The following DACH2 variants were observed in gnomAD, a reference collection of about 807,000 sequenced individuals.
The protein encoded by DACH2 is dachshund family transcription factor 2, also known as dachshund homolog 2.
DACH2 carries 17 observed loss-of-function variants against 35.8 expected under a neutral mutation model. That is an observed-to-expected ratio of 0.48 (90% confidence interval 0.33 to 0.71). The LOEUF (loss-of-function observed/expected upper bound fraction) is 0.71, where lower values mean the gene tolerates loss of function less well. DACH2 is among the 30% of genes least tolerant of loss of function. The pLI, the probability that DACH2 is intolerant of heterozygous loss-of-function variation, is 0.02. For synonymous variants in DACH2, 195 were observed against 177.3 expected (o/e 1.10, Z -0.79); for missense variants, 469 against 472.7 (o/e 0.99, Z 0.07).
intron 2 of DACH2, among the ~76,000 whole-genome samples, chrX:86,460,284 A>G (rs1022492087): frequency 5.4e-5 from 6 of 111,230 alleles, no homozygotes; most frequent in South Asian, 3.7e-4. Context: ...TCTTTTATCT[A>G]TATAAGAATA....
chrX:86,566,150 G>A (rs1001473950), intron 3 of DACH2, among the ~76,000 whole-genome samples: 4 of 111,869 alleles, frequency 3.6e-5, no homozygotes, highest in African/African-American at 1.3e-4. Context: ...TAAGTAATAT[G>A]TAGATAAATT....
At chrX:86,561,933 A>G (rs1466559870) in intron 3 of DACH2, among the ~76,000 whole-genome samples, 1 of 102,396 alleles carries the variant, frequency 9.8e-6, no homozygotes, top group Non-Finnish European at 2.0e-5. Context: ...GAATTCAGCA[A>G]GGATTCAGGA....
chrX:86,438,244 A>G (rs187669507), intron 2 of DACH2, among the ~76,000 whole-genome samples: 130 of 86,366 alleles, frequency 1.5e-3, no homozygotes, highest in African/African-American at 6.0e-3. Flanking sequence ...TTTTTTTGAG[A>G]CAGAGTTTCA....
intron 4 of DACH2, among the ~76,000 whole-genome samples, chrX:86,656,857 G>GTGTGTGTATATA (rs1333268452): frequency 9.0e-5 from 6 of 66,743 alleles, no homozygotes; most frequent in African/African-American, 3.6e-4. Flanking sequence ...GTGTGTGTGT[G>GTGTGTGTATATA]TATATATATA....
chrX:86,823,740 G>A (rs1253361580), intron 11 of DACH2, among the ~76,000 whole-genome samples: 8 of 111,448 alleles, frequency 7.2e-5, no homozygotes, highest in African/African-American at 1.3e-4. Context: ...CTGGGCCACC[G>A]GGGGTGACAT....
chrX:86,266,531 T>C (rs924637344), intron 1 of DACH2, among the ~76,000 whole-genome samples: 4 of 112,007 alleles, frequency 3.6e-5, no homozygotes, highest in Non-Finnish European at 5.6e-5. Context: ...GTTTTGTCTA[T>C]TCCGTGTCTT....
At chrX:86,557,040 T>A (rs899742231) in intron 3 of DACH2, among the ~76,000 whole-genome samples, 11 of 106,861 alleles carry the variant, frequency 1.0e-4, no homozygotes, top group African/African-American at 3.4e-4. Context: ...AGTCCAGGAG[T>A]CTGAAGGCCT....
At chrX:86,507,524 C>A (rs1240046366) in intron 2 of DACH2, among the ~76,000 whole-genome samples, 1 of 107,368 alleles carries the variant, frequency 9.3e-6, no homozygotes, top group Non-Finnish European at 1.9e-5. Context: ...GAAGCCTTCC[C>A]AAGGCAGTGG....
chrX:86,643,303 A>T (rs2040371101), intron 3 of DACH2, among the ~76,000 whole-genome samples: 1 of 110,496 alleles, frequency 9.1e-6, no homozygotes, highest in African/African-American at 3.3e-5. Context: ...CCCCACAGAA[A>T]TCAAAACAAC....
intron 7 of DACH2, among the ~76,000 whole-genome samples, chrX:86,755,093 T>C (rs2041813766): frequency 9.0e-6 from 1 of 111,594 alleles, no homozygotes; most frequent in Admixed American, 9.5e-5. Context: ...CATCTGTTAT[T>C]TGTTATCTAT....
intron 7 of DACH2, among the ~76,000 whole-genome samples, chrX:86,804,612 T>G (rs1046910690): frequency 1.4e-4 from 16 of 112,263 alleles, no homozygotes; most frequent in African/African-American, 4.2e-4. Context: ...AAGTCTTATC[T>G]GAGACAAGGC....
At chrX:86,395,546 C>T (rs1387596008) in intron 2 of DACH2, among the ~76,000 whole-genome samples, 1 of 110,532 alleles carries the variant, frequency 9.0e-6, no homozygotes, top group Admixed American at 9.7e-5. Flanking sequence ...CCTCCCCCCA[C>T]CCCACAACAG....
intron 1 of DACH2, among the ~76,000 whole-genome samples, chrX:86,158,947 A>G (rs1602241281): frequency 9.0e-6 from 1 of 111,691 alleles, no homozygotes; most frequent in African/African-American, 3.2e-5. Context: ...TATAAAGTAC[A>G]CATAAAAAGG....
chrX:86,585,533 T>C (rs964281383), intron 3 of DACH2, among the ~76,000 whole-genome samples: 2 of 110,679 alleles, frequency 1.8e-5, no homozygotes, highest in African/African-American at 6.6e-5. Context: ...GTATATTTTC[T>C]GATCTTTTCT....
chrX:86,220,002 C>CA (rs574196058), intron 1 of DACH2, among the ~76,000 whole-genome samples: 904 of 61,262 alleles, frequency 0.015, 41 homozygotes, highest in African/African-American at 0.047. Flanking sequence ...ACTAAAAATA[C>CA]AAAAAAAAAA....
At chrX:86,332,115 G>A (rs1018873530) in intron 1 of DACH2, among the ~76,000 whole-genome samples, 2 of 111,078 alleles carry the variant, frequency 1.8e-5, no homozygotes, top group Admixed American at 9.7e-5. Context: ...TTAAATTTAT[G>A]GTTATATAGT....
At chrX:86,772,145 A>G (rs1011709874) in intron 7 of DACH2, among the ~76,000 whole-genome samples, 15 of 111,542 alleles carry the variant, frequency 1.3e-4, no homozygotes, top group African/African-American at 4.9e-4. Context: ...TGATGTTGGT[A>G]TGAGGAATAA....
rs760490579 is a variant in DACH2, at chrX:86,712,306, AG to A, written c.932-2241del. ...AGCTATATGATAATTTCAGTATAAA[AG>A]TGCATATGTACCTAAGTAATTTTAG... On this transcript the variant is annotated intron_variant, in intron 5 of 11. Transcript: ENST00000373125. 5.3e-3 allele frequency among the ~76,000 whole-genome samples: 596 copies of A among 111,724 alleles called. 8 individuals carry two copies. The highest frequency in any genetic ancestry group is 0.018 in the African/African-American group (563 of 30,853).
At chrX:86,336,215 T>C (rs1192854141) in intron 1 of DACH2, among the ~76,000 whole-genome samples, 3 of 112,338 alleles carry the variant, frequency 2.7e-5, no homozygotes. Flanking sequence ...ATTTTCTTTT[T>C]GTGTGTGTCT....
Sources: allele counts gnomAD v4.1 joint callset (sites outside exome capture counted in the v4.1 genomes callset), GRCh38; gene constraint gnomAD v4.1.1; transcripts MANE v1.5; gene names NCBI Gene and HGNC (gene_info 2026-07-23, HGNC 2026-07-21).